The following RAB38 variants were observed in gnomAD, a reference collection of about 807,000 sequenced individuals.
RAB38 encodes the protein ras-related protein Rab-38.
In RAB38, 15 loss-of-function variants were observed where a neutral mutation model predicts 18.4. The observed-to-expected ratio is 0.82, with a 90% confidence interval of 0.55 to 1.26. RAB38 has a LOEUF of 1.26. RAB38 is among the 50% of genes most tolerant of loss of function. The pLI is 0.00. For missense variants in RAB38, 294 were observed against 267.4 expected, an observed-to-expected ratio of 1.10 and a Z score of -0.69; for synonymous variants, 101 against 104.4, an observed-to-expected ratio of 0.97 and a Z score of 0.20.
chr11:87,954,970 A>G, the RAB38 span, among the ~76,000 whole-genome samples: 2 of 152,238 alleles, frequency 1.3e-5, no homozygotes, highest in Non-Finnish European at 2.9e-5. Context: ...ATATTGCATC[A>G]TATATACTAA....
At chr11:88,036,406 T>C in the RAB38 span, among the ~76,000 whole-genome samples, 5 of 152,320 alleles carry the variant, frequency 3.3e-5, no homozygotes, top group African/African-American at 1.2e-4. Flanking sequence ...ATTTAATCAT[T>C]AATGCTAACA....
the RAB38 span, among the ~76,000 whole-genome samples, chr11:87,974,995 T>C: frequency 1.3e-5 from 2 of 151,902 alleles, no homozygotes; most frequent in Non-Finnish European, 2.9e-5. Context: ...TGCTTCCTTT[T>C]GGAGGGAATA....
chr11:87,856,758 G>A, the RAB38 span, among the ~76,000 whole-genome samples: 6 of 151,818 alleles, frequency 4.0e-5, no homozygotes, highest in African/African-American at 1.5e-4. Context: ...GGATACATGC[G>A]CAGAATGTGA....
chr11:87,904,745 TG>T, the RAB38 span, among the ~76,000 whole-genome samples: 1 of 151,764 alleles, frequency 6.6e-6, no homozygotes, highest in Admixed American at 6.6e-5. Context: ...CAGCATCTGT[TG>T]TTTTTTTGAC....
At chr11:87,925,979 C>T in the RAB38 span, among the ~76,000 whole-genome samples, 1 of 151,920 alleles carries the variant, frequency 6.6e-6, no homozygotes, top group African/African-American at 2.4e-5. Context: ...CTTAGTGAAG[C>T]AGGAGAGGAT....
At chr11:88,045,734 T>G in the RAB38 span, among the ~76,000 whole-genome samples, 1 of 152,112 alleles carries the variant, frequency 6.6e-6, no homozygotes, top group Non-Finnish European at 1.5e-5. Flanking sequence ...ACAGTGGAGG[T>G]CAAGTCCGTC....
chr11:88,102,057 A>T, the RAB38 span, among the ~76,000 whole-genome samples: 1 of 152,032 alleles, frequency 6.6e-6, no homozygotes. Context: ...TGCCAGGCAC[A>T]GAGTGAGGGC....
the RAB38 span, among the ~76,000 whole-genome samples, chr11:87,923,787 T>C: frequency 6.6e-6 from 1 of 151,920 alleles, no homozygotes; most frequent in African/African-American, 2.4e-5. Context: ...AGATGCTGGC[T>C]CATTTAATTC....
chr11:87,974,279 G>A, the RAB38 span, among the ~76,000 whole-genome samples: 2 of 151,502 alleles, frequency 1.3e-5, no homozygotes, highest in East Asian at 3.9e-4. Context: ...AGAAAAAATA[G>A]AAGCTATAAT....
At chr11:88,031,569 T>G in the RAB38 span, among the ~76,000 whole-genome samples, 4 of 151,898 alleles carry the variant, frequency 2.6e-5, no homozygotes. Flanking sequence ...ATCACAAGCA[T>G]TCTTATACAC....
the RAB38 span, among the ~76,000 whole-genome samples, chr11:87,860,512 A>G: frequency 6.6e-6 from 1 of 151,966 alleles, no homozygotes; most frequent in South Asian, 2.1e-4. Flanking sequence ...AAAGTGAGAT[A>G]TTTACTTTCA....
At chr11:87,946,706 C>T in the RAB38 span, among the ~76,000 whole-genome samples, 56 of 152,164 alleles carry the variant, frequency 3.7e-4, no homozygotes, top group Non-Finnish European at 7.2e-4. Context: ...CATGTCCCTA[C>T]AAAGGACATG....
chr11:88,052,402 C>A, the RAB38 span, among the ~76,000 whole-genome samples: 2 of 152,180 alleles, frequency 1.3e-5, no homozygotes, highest in South Asian at 4.1e-4. Flanking sequence ...TGCCTGAAAA[C>A]CTTCCAAATA....
chr11:87,898,959 C>A, the RAB38 span, among the ~76,000 whole-genome samples: 6 of 151,616 alleles, frequency 4.0e-5, no homozygotes, highest in Non-Finnish European at 7.4e-5. Flanking sequence ...CTTCTGACAG[C>A]CTGTTTCTTA....
Position 88,113,930 on chromosome 11 carries a change from G to C in RAB38, c.*58C>G. On this transcript the variant is annotated 3_prime_UTR_variant, in exon 3 of 3. Coordinates refer to ENST00000243662, the MANE Select transcript of RAB38 (RefSeq NM_022337.3). Reference sequence around the variant, plus strand: ...ACGTTTACCCAAAATGGTAAAAATAGAGGCACAATTTGTGGAACAATGAGG... The same window carrying C: ...ACGTTTACCCAAAATGGTAAAAATACAGGCACAATTTGTGGAACAATGAGG... 2.5e-6 allele frequency: 4 copies of C among 1,598,240 alleles called. No individual in the cohort carries two copies. The highest frequency in any genetic ancestry group is 3.4e-6 in the Non-Finnish European group (4 of 1,166,250).
chr11:87,944,700 G>A, the RAB38 span, among the ~76,000 whole-genome samples: 10 of 152,106 alleles, frequency 6.6e-5, no homozygotes, highest in African/African-American at 1.4e-4. Flanking sequence ...TGAAATGGAG[G>A]GTGGTGGATA....
At chr11:88,154,051 G>A (rs938118603) in intron 1 of RAB38, among the ~76,000 whole-genome samples, 2 of 152,206 alleles carry the variant, frequency 1.3e-5, no homozygotes, top group African/African-American at 4.8e-5. Context: ...GTATGTGAGA[G>A]AGGCAGAGAG....
At chr11:88,122,644 T>A (rs993022032) in intron 2 of RAB38, among the ~76,000 whole-genome samples, 2 of 152,204 alleles carry the variant, frequency 1.3e-5, no homozygotes, top group African/African-American at 4.8e-5. Flanking sequence ...AACTATTAAC[T>A]CTGTCTTACA....
the RAB38 span, among the ~76,000 whole-genome samples, chr11:88,008,666 T>C: frequency 6.6e-6 from 1 of 152,186 alleles, no homozygotes; most frequent in Non-Finnish European, 1.5e-5. Flanking sequence ...AGGAATGATA[T>C]AACAGTTTCT....
Sources: allele counts gnomAD v4.1 joint callset (sites outside exome capture counted in the v4.1 genomes callset), GRCh38; gene constraint gnomAD v4.1.1; transcripts MANE v1.5; gene names NCBI Gene and HGNC (gene_info 2026-07-23, HGNC 2026-07-21).